Variants in GLIS1 observed in about 807,000 individuals in gnomAD.
The protein encoded by GLIS1 is GLIS family zinc finger 1.
In GLIS1, 24 loss-of-function variants were observed where a neutral mutation model predicts 63.8. That is an observed-to-expected ratio of 0.38 (90% CI 0.27 to 0.53). The LOEUF (loss-of-function observed/expected upper bound fraction) is 0.53, where lower values mean the gene tolerates loss of function less well. GLIS1 is among the 20% of genes least tolerant of loss of function. The pLI is 0.85. For synonymous variants in GLIS1, 450 were observed against 482.5 expected, an observed-to-expected ratio of 0.93 and a Z score of 0.88; for missense variants, 1,036 against 1,074.1, an observed-to-expected ratio of 0.96 and a Z score of 0.50.
At chr1:53,710,823 G>T (rs547965604) in intron 2 of GLIS1, among the ~76,000 whole-genome samples, 1 of 152,176 alleles carries the variant, frequency 6.6e-6, no homozygotes, top group Non-Finnish European at 1.5e-5. Context: ...ACCCTCCCAC[G>T]CATGTGAATG....
intron 2 of GLIS1, among the ~76,000 whole-genome samples, chr1:53,621,387 C>T (rs907782232): frequency 3.9e-5 from 6 of 152,246 alleles, no homozygotes; most frequent in Admixed American, 6.5e-5. Context: ...GCCTGCCTGG[C>T]GCCTATGTGG....
chr1:53,656,233 G>A (rs1645964150), intron 2 of GLIS1, among the ~76,000 whole-genome samples: 1 of 152,130 alleles, frequency 6.6e-6, no homozygotes, highest in Non-Finnish European at 1.5e-5. Context: ...GGGGAGTTGC[G>A]GCTCACAGGC....
At position 53,598,536 on chromosome 1, in the gene GLIS1, A is replaced by T. The variant is rs1256791355; in HGVS notation, c.437+1565T>A. 2.7e-5 allele frequency among the ~76,000 whole-genome samples: 4 copies of T among 147,630 alleles called. No homozygotes were observed. Among genetic ancestry groups the T allele is most frequent in the Non-Finnish European group, 1.5e-5 (1 of 66,414 alleles). ...GGTGACAGAGTCAGACCCTGTCTCA[A>T]AAAAAAAAAAGGAGGAATTAGGGCA... is the stretch of plus-strand genomic sequence containing the variant. On this transcript the variant is annotated intron_variant, in intron 3 of 10. Coordinates refer to ENST00000628545, the MANE Select transcript of GLIS1 (RefSeq NM_001367484.1). The surrounding 1 kb of genome is among the most constrained non-coding windows in gnomAD (Gnocchi z 4.6).
intron 2 of GLIS1, among the ~76,000 whole-genome samples, chr1:53,637,776 C>T (rs1453900795): frequency 6.6e-6 from 1 of 152,160 alleles, no homozygotes; most frequent in Non-Finnish European, 1.5e-5. Context: ...GTCACCATCC[C>T]CCTTGTGAGC....
chr1:53,635,928 T>C lies in GLIS1; in HGVS notation c.260-35650A>G, dbSNP rs555147179. On this transcript the variant is annotated intron_variant, in intron 2 of 10. Transcript: ENST00000628545. ...GAAAAACTAAATAGTCCAATAGATA[T>C]TAACATAATTGAATTAATGGTTTTA... Among the ~76,000 whole-genome samples the C allele has an allele frequency of 2.9e-4, 44 of 152,320 alleles. No individual in the cohort carries two copies. The South Asian group carries it at 5.6e-3, about 19-fold the overall frequency.
chr1:53,648,988 A>G (rs1218611749), intron 2 of GLIS1, among the ~76,000 whole-genome samples: 1 of 152,202 alleles, frequency 6.6e-6, no homozygotes, highest in East Asian at 1.9e-4. Context: ...CTCTTGAACA[A>G]GATGGTTTTG....
chr1:53,551,693 A>G (rs1006269396), intron 4 of GLIS1, among the ~76,000 whole-genome samples: 2 of 151,892 alleles, frequency 1.3e-5, no homozygotes, highest in South Asian at 2.1e-4. Flanking sequence ...CCCAATTGTG[A>G]GCTCTGTAGT....
chr1:53,605,580 GC>G (rs1345692116), intron 2 of GLIS1, among the ~76,000 whole-genome samples: 1 of 152,156 alleles, frequency 6.6e-6, no homozygotes, highest in Non-Finnish European at 1.5e-5. Flanking sequence ...ACTCTCTACT[GC>G]CACACAGATG....
chr1:53,552,990 G>C (rs1644777161), intron 4 of GLIS1, among the ~76,000 whole-genome samples: 1 of 152,234 alleles, frequency 6.6e-6, no homozygotes, highest in Non-Finnish European at 1.5e-5. Flanking sequence ...CGTGCTCCAG[G>C]AATCAGCTGG....
chr1:53,679,085 G>A (rs1326443813), intron 2 of GLIS1, among the ~76,000 whole-genome samples: 1 of 152,172 alleles, frequency 6.6e-6, no homozygotes, highest in Non-Finnish European at 1.5e-5. Context: ...GCAGCTGCCG[G>A]CGTTCTTAGA....
At chr1:53,697,381 T>G (rs574847799) in intron 2 of GLIS1, among the ~76,000 whole-genome samples, 3 of 152,208 alleles carry the variant, frequency 2.0e-5, no homozygotes, top group Non-Finnish European at 4.4e-5. Context: ...GCTTTGCACA[T>G]GCAGTTCCTC....
rs748459174 is a variant in GLIS1 at position 53,506,781 on chromosome 1, G to A, written c.2231-5C>T. On this transcript the variant is annotated splice_polypyrimidine_tract_variant and splice_region_variant and intron_variant, in intron 10 of 10. Transcript: ENST00000628545. The stretch of plus-strand genomic sequence containing the variant: ...CCTCAGCCAGGGCCTCATAGCCTGT[G>A]AGTGGTTGGGAAAGGGTCAGCGCTG... The A allele has an allele frequency of 6.2e-7, 1 of 1,607,430 alleles. No homozygotes were observed. Among genetic ancestry groups the A allele is most frequent in the Non-Finnish European group, 8.5e-7 (1 of 1,179,570 alleles).
chr1:53,691,411 T>TG (rs1391429743), intron 2 of GLIS1, among the ~76,000 whole-genome samples: 5 of 152,204 alleles, frequency 3.3e-5, no homozygotes, highest in Non-Finnish European at 5.9e-5. Context: ...TCTGGCCTTT[T>TG]GCCTGTTGCC....
intron 4 of GLIS1, among the ~76,000 whole-genome samples, chr1:53,590,723 C>T (rs1192709054): frequency 1.3e-5 from 2 of 152,202 alleles, no homozygotes; most frequent in Non-Finnish European, 2.9e-5. Flanking sequence ...ACGTAAGAAA[C>T]ATAACAGGAT....
chr1:53,655,439 C>T (rs935943628), intron 2 of GLIS1, among the ~76,000 whole-genome samples: 2 of 152,174 alleles, frequency 1.3e-5, no homozygotes, highest in Non-Finnish European at 1.5e-5. Flanking sequence ...CCTTGGGGTG[C>T]AAGGAAGTTC....
At chr1:53,534,497 T>TG (rs1296229340) in intron 4 of GLIS1, among the ~76,000 whole-genome samples, 4 of 151,942 alleles carry the variant, frequency 2.6e-5, no homozygotes, top group African/African-American at 9.7e-5. Context: ...TGCCTCTATG[T>TG]GGGGGGTTCA....
At chr1:53,551,147 A>T (rs1055415218) in intron 4 of GLIS1, among the ~76,000 whole-genome samples, 1 of 152,120 alleles carries the variant, frequency 6.6e-6, no homozygotes. Context: ...GCGCCCGGCC[A>T]GTGATTTTTT....
intron 2 of GLIS1, among the ~76,000 whole-genome samples, chr1:53,715,893 T>G (rs529558905): frequency 1.8e-4 from 28 of 151,956 alleles, no homozygotes; most frequent in African/African-American, 6.3e-4. Flanking sequence ...AATGGGGCGG[T>G]GGCAGGAGGG....
At chr1:53,675,083 C>T (rs2100408867) in intron 2 of GLIS1, among the ~76,000 whole-genome samples, 1 of 152,344 alleles carries the variant, frequency 6.6e-6, no homozygotes, top group South Asian at 2.1e-4. Flanking sequence ...GAAGGAGTCA[C>T]AGCATCTCAC....
Sources: allele counts gnomAD v4.1 joint callset (sites outside exome capture counted in the v4.1 genomes callset), GRCh38; gene constraint gnomAD v4.1.1; non-coding constraint Gnocchi (gnomAD v3.1); transcripts MANE v1.5; gene names NCBI Gene and HGNC (gene_info 2026-07-23, HGNC 2026-07-21).